Variants in KCTD1 observed in about 807,000 individuals in gnomAD.
KCTD1 encodes BTB/POZ domain-containing protein KCTD1.
KCTD1 carries 24 observed loss-of-function variants against 66.0 expected under a neutral mutation model. The ratio of observed to expected loss-of-function variants is 0.36; its 90% CI spans 0.26 to 0.51. KCTD1 has a LOEUF of 0.51. Ranked by LOEUF, KCTD1 falls within the 20% of genes least tolerant of loss-of-function variation. KCTD1 has a pLI of 0.95. For synonymous variants in KCTD1, 511 were observed against 517.2 expected (o/e 0.99, Z 0.16); for missense variants, 943 against 1,205.2 (o/e 0.78, Z 3.22).
chr18:26,629,275 T>A, upstream of KCTD1: 4 of 912,724 alleles, frequency 4.4e-6, no homozygotes, highest in Non-Finnish European at 5.2e-6. Flanking sequence ...GGCCAGCCCA[T>A]GACCTTAGCC....
At chr18:26,576,257 G>A (rs1443601761) in intron 1 of KCTD1, among the ~76,000 whole-genome samples, 1 of 152,110 alleles carries the variant, frequency 6.6e-6, no homozygotes, top group Admixed American at 6.5e-5. Flanking sequence ...ATTGTTTATC[G>A]CTGTTTCTCC....
chr18:26,617,099 T>G (rs369297815), intron 1 of KCTD1, among the ~76,000 whole-genome samples: 3 of 152,050 alleles, frequency 2.0e-5, no homozygotes, highest in Non-Finnish European at 4.4e-5. Context: ...GAGAAAGGGG[T>G]GGGAATTGCT....
At chr18:26,501,274 G>C in intron 1 of KCTD1, 24 bp from the exon 2 acceptor site, 1 of 1,601,446 alleles carries the variant, frequency 6.2e-7, no homozygotes, top group South Asian at 1.1e-5. Flanking sequence ...AGCAAGTTTA[G>C]ATACTTTTTC....
At position 26,600,169 on chromosome 18, in the gene KCTD1, G is replaced by T. The variant is rs968348898; in HGVS notation, c.-16+28978C>A. On this transcript the variant is annotated intron_variant, in intron 1 of 4. Transcript: ENST00000317932. Reference sequence around the variant, plus strand: ...GAACTGCACCTGTGGCCTTGCCAAAGAACTGGAAAAAGAGAAGTCAAGGGA... The same window carrying T: ...GAACTGCACCTGTGGCCTTGCCAAATAACTGGAAAAAGAGAAGTCAAGGGA... The T allele has an allele frequency of 5.0e-6, 8 of 1,605,100 alleles. No individual in the cohort carries two copies. In the African/African-American group the frequency reaches 5.4e-5, roughly 11 times the overall value.
Position 26,498,430 on chromosome 18 carries a change from A to C in KCTD1, c.1988+2642T>G, listed in dbSNP as rs72885459. Among the ~76,000 whole-genome samples, 534 of 150,608 alleles carry C rather than the reference A, an allele frequency of 3.5e-3. 1 individual carries two copies. The highest frequency in any genetic ancestry group is 0.027 in the Middle Eastern group (8 of 294). On this transcript the variant is annotated intron_variant, in intron 2 of 4. Coordinates refer to ENST00000580059, the MANE Select transcript of KCTD1 (RefSeq NM_001142730.3). ...TCTGTTTCATAGTTCAGCGCTGTCCAACAGAAATAAACAGCAAGACACATG... is the reference window on the plus strand; with the variant it reads ...TCTGTTTCATAGTTCAGCGCTGTCCCACAGAAATAAACAGCAAGACACATG...
upstream of KCTD1, among the ~76,000 whole-genome samples, chr18:26,630,561 A>G (rs1987596988): frequency 6.6e-6 from 1 of 152,178 alleles, no homozygotes; most frequent in African/African-American, 2.4e-5. Context: ...TAGGAATTTG[A>G]GAGGCCAAGG....
intron 1 of KCTD1, among the ~76,000 whole-genome samples, chr18:26,622,917 C>A (rs1987418696): frequency 6.6e-6 from 1 of 152,158 alleles, no homozygotes; most frequent in Non-Finnish European, 1.5e-5. Flanking sequence ...ATTCTTCAGG[C>A]CAACCAGGGA....
chr18:26,532,997 G>A (rs1984522354), intron 1 of KCTD1, among the ~76,000 whole-genome samples: 1 of 152,222 alleles, frequency 6.6e-6, no homozygotes, highest in African/African-American at 2.4e-5. Context: ...TGAAAGACCT[G>A]GGATCCAGTC....
chr18:26,512,114 T>G (rs188052552), intron 1 of KCTD1, among the ~76,000 whole-genome samples: 1 of 152,288 alleles, frequency 6.6e-6, no homozygotes, highest in African/African-American at 2.4e-5. Flanking sequence ...CTGAGATTCT[T>G]TTTTGTGGAG....
upstream of KCTD1, chr18:26,549,969 G>A (rs182183718): frequency 1.0e-5 from 2 of 195,090 alleles, no homozygotes; most frequent in East Asian, 1.9e-4. Context: ...GAGCCGCCGG[G>A]GACCTCGGCT....
chr18:26,600,872 C>T (rs776562620), intron 1 of KCTD1, among the ~76,000 whole-genome samples: 1 of 152,108 alleles, frequency 6.6e-6, no homozygotes, highest in African/African-American at 2.4e-5. Flanking sequence ...TGCCCCCTTC[C>T]ATCCCCAACC....
chr18:26,651,989 T>G (rs954198790), intron 1 of KCTD1, among the ~76,000 whole-genome samples: 2 of 152,004 alleles, frequency 1.3e-5, no homozygotes, highest in African/African-American at 2.4e-5. Context: ...GGGAGATAGG[T>G]ATTCCAGACG....
chr18:26,550,408 T>C (rs1985509022), upstream of KCTD1, among the ~76,000 whole-genome samples: 1 of 152,132 alleles, frequency 6.6e-6, no homozygotes, highest in Non-Finnish European at 1.5e-5. This position sits in a 1 kb window ranked among gnomAD's most constrained non-coding sequence, Gnocchi z 5.4. Flanking sequence ...GTTGACGATG[T>C]CTTTTTCTGC....
rs950335552 is a variant in KCTD1 at position 26,547,431 on chromosome 18, C to T, written c.1106G>A (p.Ser369Asn). 15 of 1,551,284 alleles carry T rather than the reference C, an allele frequency of 9.7e-6. No homozygotes were observed. Among genetic ancestry groups the T allele is most frequent in the Admixed American group, 3.9e-5 (2 of 50,992 alleles). The change falls in exon 1 of 5, where the codon AGC (serine) becomes AAC (asparagine). Residue 369 changes from serine (S) to asparagine (N), a missense_variant. By Grantham distance (46) the Ser-to-Asn change is conservative. Transcript: ENST00000580059. Reference protein sequence around the residue: ...SSSWSKKRAESSDEENLPRMY... With the variant: ...SSSWSKKRAENSDEENLPRMY... The stretch of plus-strand genomic sequence containing the variant: ...GCGGGGCAAGTTCTCCTCGTCGCTG[C>T]TCTCGGCGCGCTTCTTGCTCCACGA...
At chr18:26,491,878 A>G (rs573622059) in intron 2 of KCTD1, among the ~76,000 whole-genome samples, 83 of 152,320 alleles carry the variant, frequency 5.4e-4, no homozygotes, top group African/African-American at 1.9e-3. Flanking sequence ...GTGTTGGACT[A>G]TATGGCTGAA....
At chr18:26,586,433 C>A (rs1455944893) in intron 1 of KCTD1, among the ~76,000 whole-genome samples, 1 of 152,182 alleles carries the variant, frequency 6.6e-6, no homozygotes, top group Non-Finnish European at 1.5e-5. Context: ...TCTCCTCAGG[C>A]CTCCTATTCT....
At chr18:26,543,580 C>T (rs1243506268) in intron 1 of KCTD1, 1 of 152,288 alleles carries the variant, frequency 6.6e-6, no homozygotes, top group East Asian at 1.9e-4. Flanking sequence ...CTAACTGTGT[C>T]AGCCTGCTTG....
chr18:26,478,657 G>C (rs2144607399), intron 2 of KCTD1, among the ~76,000 whole-genome samples: 1 of 152,262 alleles, frequency 6.6e-6, no homozygotes, highest in South Asian at 2.1e-4. Context: ...AAACCTATAC[G>C]GGGTGAATGT....
chr18:26,610,642 G>C (rs765272024), intron 1 of KCTD1, among the ~76,000 whole-genome samples: 1 of 149,506 alleles, frequency 6.7e-6, no homozygotes, highest in Non-Finnish European at 1.5e-5. Context: ...AGGAGGGAGG[G>C]AGAGAAGGGA....
Sources: gnomAD v4.1 joint callset for allele counts (sites outside exome capture counted in the v4.1 genomes callset) on GRCh38, gnomAD v4.1.1 for gene constraint, Gnocchi (gnomAD v3.1) non-coding constraint, MANE v1.5 for transcripts, NCBI Gene and HGNC (gene_info 2026-07-23, HGNC 2026-07-21) for gene names.